BBX: variants seen among roughly 807,000 people sequenced by gnomAD.
The protein encoded by BBX is HMG box transcription factor BBX.
Under a neutral mutation model 100.2 loss-of-function variants are expected in BBX, and 30 were observed. The ratio of observed to expected loss-of-function variants is 0.30; its 90% CI spans 0.22 to 0.41. BBX has a LOEUF of 0.41. BBX is among the 10% of genes least tolerant of loss of function. The probability of loss-of-function intolerance (pLI) is 1.00; values close to 1 mark genes in which losing one functional copy is unlikely to be tolerated. For synonymous variants in BBX, 376 were observed against 388.1 expected (o/e 0.97, Z 0.37); for missense variants, 1,023 against 1,129.8 (o/e 0.91, Z 1.35).
At chr3:107,669,229 C>CT (rs1303507705) in intron 3 of BBX, among the ~76,000 whole-genome samples, 5 of 151,932 alleles carry the variant, frequency 3.3e-5, no homozygotes, top group Non-Finnish European at 7.4e-5. Context: ...ATGGCTCATG[C>CT]TGTAGAGAAT....
At chr3:107,621,433 G>C (rs1559884104) in intron 2 of BBX, among the ~76,000 whole-genome samples, 1 of 152,038 alleles carries the variant, frequency 6.6e-6, no homozygotes, top group Non-Finnish European at 1.5e-5. Flanking sequence ...TCTACCTCAT[G>C]GATATGCACA....
chr3:107,607,285 C>A (rs1436097126), intron 2 of BBX, among the ~76,000 whole-genome samples: 2 of 152,072 alleles, frequency 1.3e-5, no homozygotes, highest in Non-Finnish European at 2.9e-5. Context: ...TTGGTAGAGA[C>A]AGGGTTTCAC....
chr3:107,545,686 C>T (rs2049183053), intron 2 of BBX, among the ~76,000 whole-genome samples: 1 of 152,090 alleles, frequency 6.6e-6, no homozygotes, highest in Non-Finnish European at 1.5e-5. Context: ...CTTTCTTGCT[C>T]CTCTTTAGGG....
chr3:107,614,389 T>C (rs1332774894), intron 2 of BBX, among the ~76,000 whole-genome samples: 1 of 152,164 alleles, frequency 6.6e-6, no homozygotes, highest in Admixed American at 6.5e-5. Flanking sequence ...AGAATTATTA[T>C]TATTGTACTT....
intron 2 of BBX, among the ~76,000 whole-genome samples, chr3:107,587,077 T>G (rs1170752020): frequency 6.6e-6 from 1 of 152,190 alleles, no homozygotes; most frequent in Non-Finnish European, 1.5e-5. Context: ...TTGAGAGTTT[T>G]GCCATCTTAT....
chr3:107,594,107 C>T (rs999731771), intron 2 of BBX, among the ~76,000 whole-genome samples: 2 of 152,134 alleles, frequency 1.3e-5, no homozygotes, highest in Non-Finnish European at 2.9e-5. Context: ...GATTAGACTC[C>T]AAGTTGTATC....
chr3:107,633,532 C>T (rs1181899499), intron 2 of BBX, among the ~76,000 whole-genome samples: 1 of 152,188 alleles, frequency 6.6e-6, no homozygotes, highest in Non-Finnish European at 1.5e-5. Flanking sequence ...ATCATGCCTG[C>T]GGACATGATT....
chr3:107,641,594 G>A (rs557011713), intron 2 of BBX, among the ~76,000 whole-genome samples: 1 of 152,102 alleles, frequency 6.6e-6, no homozygotes, highest in Non-Finnish European at 1.5e-5. Flanking sequence ...AGTTACTATG[G>A]TTTACTGCCA....
At chr3:107,696,374 G>C (rs376118224) in intron 3 of BBX, among the ~76,000 whole-genome samples, 5 of 151,658 alleles carry the variant, frequency 3.3e-5, no homozygotes, top group East Asian at 1.9e-4. Flanking sequence ...CCTTCAGGAG[G>C]TCTTTTAGGG....
At chr3:107,566,175 C>CAA (rs754905445) in intron 2 of BBX, among the ~76,000 whole-genome samples, 6,973 of 52,864 alleles carry the variant, frequency 0.13, 1,160 homozygotes, top group Non-Finnish European at 0.18. Flanking sequence ...AACTCTGTCT[C>CAA]AAAAAAAAAA....
Position 107,728,924 on chromosome 3 carries a change from A to G in BBX, c.565A>G (p.Thr189Ala), listed in dbSNP as rs201261462. 4 of 1,613,716 alleles carry G rather than the reference A, an allele frequency of 2.5e-6. No individual in the cohort carries two copies. In the African/African-American group the frequency reaches 4.0e-5, roughly 16 times the overall value. Residue 189 changes from threonine (T) to alanine (A), a missense_variant, in exon 6 of 18, where the codon ACT (threonine) becomes GCT (alanine). By Grantham distance (58) the Thr-to-Ala change is moderately conservative. Coordinates refer to ENST00000325805, the MANE Select transcript of BBX (RefSeq NM_001142568.3). ...CTTGCCAAGCCCCAAGAAAGCAAAG[A>G]CTGAAGAAATGCCTCAGCTTAACTT... is the stretch of plus-strand genomic sequence containing the variant. ...RDLPSPKKAK[T>A]EEMPQLNFGM...
At position 107,660,301 on chromosome 3, in the gene BBX, C is replaced by G. The variant is rs141178442; in HGVS notation, c.-10+14392C>G. ...TTGCATAAAGATGTAAGGATTGCAA[C>G]AGTTTATATTAAAATTTTTTTCTGG... On this transcript the variant is annotated intron_variant, in intron 3 of 17. Transcript: ENST00000325805. Among the ~76,000 whole-genome samples, 334 of 151,922 alleles carry G rather than the reference C, an allele frequency of 2.2e-3. 2 individuals are homozygous for G. Among genetic ancestry groups the G allele is most frequent in the African/African-American group, 7.7e-3 (321 of 41,464 alleles).
At chr3:107,643,641 A>G (rs907856808) in intron 2 of BBX, among the ~76,000 whole-genome samples, 3 of 151,964 alleles carry the variant, frequency 2.0e-5, no homozygotes, top group Non-Finnish European at 2.9e-5. Flanking sequence ...TCACCGTTCT[A>G]TAGGGTTGTG....
At chr3:107,742,217 T>C (rs1306958605) in intron 7 of BBX, among the ~76,000 whole-genome samples, 3 of 152,340 alleles carry the variant, frequency 2.0e-5, no homozygotes, top group East Asian at 1.9e-4. Context: ...TAGTGCTTTA[T>C]GAAACATTTG....
intron 13 of BBX, 136 bp downstream of exon 13, chr3:107,778,655 C>G (rs2067527430): frequency 2.1e-6 from 2 of 967,376 alleles, no homozygotes; most frequent in Non-Finnish European, 3.0e-6. Flanking sequence ...AGGTTGCTTT[C>G]CAAGATTATC....
At chr3:107,742,644 A>C (rs974004798) in intron 7 of BBX, among the ~76,000 whole-genome samples, 1 of 152,136 alleles carries the variant, frequency 6.6e-6, no homozygotes, top group African/African-American at 2.4e-5. Flanking sequence ...CTTCCTATTC[A>C]CATACATATG....
intron 7 of BBX, among the ~76,000 whole-genome samples, chr3:107,740,076 C>T (rs1292922926): frequency 2.0e-5 from 3 of 151,992 alleles, no homozygotes; most frequent in East Asian, 2.0e-4. Context: ...ATGTATTCTG[C>T]TTGTGGGAGA....
At chr3:107,712,806 CTG>C (rs2107328943) in intron 4 of BBX, among the ~76,000 whole-genome samples, 1 of 152,308 alleles carries the variant, frequency 6.6e-6, no homozygotes, top group Admixed American at 6.5e-5. Flanking sequence ...TCACTGCTCT[CTG>C]TGCTCACTGT....
At chr3:107,596,783 A>C (rs2053693139) in intron 2 of BBX, among the ~76,000 whole-genome samples, 1 of 152,222 alleles carries the variant, frequency 6.6e-6, no homozygotes, top group Non-Finnish European at 1.5e-5. Context: ...TAAAATTAGA[A>C]AACAAAACTG....
Sources: gnomAD v4.1 joint callset for allele counts (sites outside exome capture counted in the v4.1 genomes callset) on GRCh38, gnomAD v4.1.1 for gene constraint, MANE v1.5 for transcripts, NCBI Gene and HGNC (gene_info 2026-07-23, HGNC 2026-07-21) for gene names.